Variants in LRRC4C observed in about 807,000 individuals in gnomAD.
LRRC4C encodes leucine rich repeat containing 4C.
In LRRC4C, 5 loss-of-function variants were observed where a neutral mutation model predicts 33.6. The ratio of observed to expected loss-of-function variants is 0.15; its 90% CI spans 0.08 to 0.31. The LOEUF (loss-of-function observed/expected upper bound fraction) is 0.31. Ranked by LOEUF, LRRC4C falls within the 10% of genes least tolerant of loss-of-function variation. The probability of loss-of-function intolerance (pLI) is 1.00; values close to 1 mark genes in which losing one functional copy is unlikely to be tolerated. For synonymous variants in LRRC4C, 329 were observed against 302.0 expected (o/e 1.09, Z -0.93); for missense variants, 560 against 796.7 (o/e 0.70, Z 3.58).
intron 2 of LRRC4C, among the ~76,000 whole-genome samples, chr11:40,765,398 T>C (rs191711834): frequency 4.6e-5 from 7 of 152,324 alleles, no homozygotes; most frequent in Admixed American, 4.6e-4. Flanking sequence ...AGCTATGCTT[T>C]CTATAGAGCC....
chr11:41,128,205 T>G (rs1159111), intron 1 of LRRC4C, among the ~76,000 whole-genome samples: 62,241 of 151,802 alleles, frequency 0.41, 13,776 homozygotes, highest in Middle Eastern at 0.53. Flanking sequence ...GACATGAGGT[T>G]GTTATTATAG....
chr11:40,779,893 T>G (rs1950148275), intron 2 of LRRC4C, among the ~76,000 whole-genome samples: 1 of 152,144 alleles, frequency 6.6e-6, no homozygotes, highest in Non-Finnish European at 1.5e-5. Flanking sequence ...TGATAATCCT[T>G]TAGAATAAGA....
At chr11:41,110,433 A>C (rs560738081) in intron 1 of LRRC4C, among the ~76,000 whole-genome samples, 2 of 152,214 alleles carry the variant, frequency 1.3e-5, no homozygotes, top group South Asian at 2.1e-4. Flanking sequence ...TGAGTAAACT[A>C]AGACAAAGAG....
chr11:40,522,530 T>C (rs1008938711), intron 3 of LRRC4C, among the ~76,000 whole-genome samples: 1 of 152,190 alleles, frequency 6.6e-6, no homozygotes, highest in African/African-American at 2.4e-5. Context: ...CTGATGGTTT[T>C]ACCACTTTCC....
At position 41,197,147 on chromosome 11, in the gene LRRC4C, A is replaced by G. The variant is rs573403124; in HGVS notation, c.-496+262284T>C. On this transcript the variant is annotated intron_variant, in intron 1 of 6. Transcript: ENST00000528697. ...CTTCCCTTCAAGTGATAAAACTGCAATAAAGAAAGGATTTTTTGTTGTTCC... is the reference window on the plus strand; with the variant it reads ...CTTCCCTTCAAGTGATAAAACTGCAGTAAAGAAAGGATTTTTTGTTGTTCC... Among the ~76,000 whole-genome samples, 3 of 152,208 alleles carry G rather than the reference A, an allele frequency of 2.0e-5. No individual in the cohort carries two copies. In the South Asian group the frequency reaches 6.2e-4, roughly 32 times the overall value.
intron 2 of LRRC4C, among the ~76,000 whole-genome samples, chr11:40,823,714 G>T (rs1952039255): frequency 6.6e-6 from 1 of 151,724 alleles, no homozygotes; most frequent in Non-Finnish European, 1.5e-5. Flanking sequence ...TACAAATCTG[G>T]AATGCTCATA....
At chr11:40,188,484 G>A (rs993055149) in intron 5 of LRRC4C, among the ~76,000 whole-genome samples, 13 of 152,056 alleles carry the variant, frequency 8.5e-5, no homozygotes, top group Non-Finnish European at 2.9e-5. Flanking sequence ...TGAGTTTAAA[G>A]GTATTTTACT....
At chr11:40,347,025 A>T (rs573708150) in intron 3 of LRRC4C, among the ~76,000 whole-genome samples, 5 of 152,304 alleles carry the variant, frequency 3.3e-5, no homozygotes, top group Non-Finnish European at 5.9e-5. Flanking sequence ...TCCTAATAAG[A>T]GTCAGCCTGT....
At chr11:41,210,001 C>A (rs563271356) in intron 1 of LRRC4C, among the ~76,000 whole-genome samples, 2 of 152,204 alleles carry the variant, frequency 1.3e-5, no homozygotes, top group East Asian at 3.9e-4. Context: ...ATAGAGGAAA[C>A]GCCACGTGAG....
Position 40,237,282 on chromosome 11 carries a change from T to C in LRRC4C, c.-96+4237A>G, listed in dbSNP as rs191590268. ...TCTCATCTTTCTTCTGCCTTTTACC[T>C]AAATTGCTTATCTTGGCATAGTATA... is the stretch of plus-strand genomic sequence containing the variant. On this transcript the variant is annotated intron_variant, in intron 5 of 6. Transcript: ENST00000528697. Among the ~76,000 whole-genome samples, 235 of 152,330 alleles carry C rather than the reference T, an allele frequency of 1.5e-3. 1 individual carries two copies. Among genetic ancestry groups the C allele is most frequent in the South Asian group, 8.1e-3 (39 of 4,828 alleles).
At chr11:40,794,569 A>G (rs1195822291) in intron 2 of LRRC4C, among the ~76,000 whole-genome samples, 1 of 152,176 alleles carries the variant, frequency 6.6e-6, no homozygotes, top group Non-Finnish European at 1.5e-5. Flanking sequence ...AGGGTAGAGA[A>G]TAGACGCTGT....
chr11:40,128,230 C>T (rs1179831231), intron 6 of LRRC4C, among the ~76,000 whole-genome samples: 1 of 152,290 alleles, frequency 6.6e-6, no homozygotes, highest in South Asian at 2.1e-4. Flanking sequence ...GAAAGCGAAT[C>T]CCCAAACTTG....
At chr11:40,258,457 A>T (rs1180474826) in intron 4 of LRRC4C, among the ~76,000 whole-genome samples, 2 of 152,168 alleles carry the variant, frequency 1.3e-5, no homozygotes, top group African/African-American at 2.4e-5. Flanking sequence ...TATTTCATAT[A>T]TGTTAGTATC....
intron 1 of LRRC4C, among the ~76,000 whole-genome samples, chr11:41,028,078 A>G (rs1856495202): frequency 6.6e-6 from 1 of 151,680 alleles, no homozygotes; most frequent in South Asian, 2.1e-4. Context: ...TTTGTTGAGG[A>G]AACCAATTCA....
At chr11:40,459,683 G>C (rs993851975) in intron 3 of LRRC4C, among the ~76,000 whole-genome samples, 21 of 152,130 alleles carry the variant, frequency 1.4e-4, no homozygotes, top group African/African-American at 4.8e-4. Context: ...GAGCCCTCAC[G>C]AAAGAAGAAC....
At chr11:40,141,563 A>G (rs1241271338) in intron 5 of LRRC4C, among the ~76,000 whole-genome samples, 1 of 152,232 alleles carries the variant, frequency 6.6e-6, no homozygotes, top group Non-Finnish European at 1.5e-5. Flanking sequence ...GTTGGTACAG[A>G]CTGTACAAAG....
At chr11:41,206,183 A>AT (rs1420857404) in intron 1 of LRRC4C, among the ~76,000 whole-genome samples, 1 of 152,126 alleles carries the variant, frequency 6.6e-6, no homozygotes, top group Non-Finnish European at 1.5e-5. Flanking sequence ...CAAAAGATTT[A>AT]TTTTTTTAAC....
At chr11:41,045,121 C>T (rs570284557) in intron 1 of LRRC4C, among the ~76,000 whole-genome samples, 3 of 151,976 alleles carry the variant, frequency 2.0e-5, no homozygotes, top group Non-Finnish European at 4.4e-5. Context: ...CAGGAATATA[C>T]GTTGATGTCA....
chr11:40,391,345 T>C (rs545864792), intron 3 of LRRC4C, among the ~76,000 whole-genome samples: 1 of 150,766 alleles, frequency 6.6e-6, no homozygotes, highest in South Asian at 2.1e-4. Flanking sequence ...TTTCTTCCAT[T>C]CACAAATCTG....
Sources: gnomAD v4.1 joint callset for allele counts (sites outside exome capture counted in the v4.1 genomes callset) on GRCh38, gnomAD v4.1.1 for gene constraint, MANE v1.5 for transcripts, NCBI Gene and HGNC (gene_info 2026-07-23, HGNC 2026-07-21) for gene names.